The following CYTH4 variants were observed in gnomAD, a reference collection of about 807,000 sequenced individuals.
The protein encoded by CYTH4 is cytohesin 4, also known as cytohesin-4.
Under a neutral mutation model 57.5 loss-of-function variants are expected in CYTH4, and 22 were observed. The ratio of observed to expected loss-of-function variants is 0.38; its 90% CI spans 0.27 to 0.55. The LOEUF (loss-of-function observed/expected upper bound fraction) is 0.55, where lower values mean the gene tolerates loss of function less well. CYTH4 is among the 20% of genes least tolerant of loss of function. CYTH4 has a pLI of 0.74. For synonymous variants in CYTH4, 186 were observed against 206.5 expected, an observed-to-expected ratio of 0.90 and a Z score of 0.85; for missense variants, 420 against 535.6, an observed-to-expected ratio of 0.78 and a Z score of 2.13.
intron 1 of CYTH4, among the ~76,000 whole-genome samples, chr22:37,286,498 G>A (rs548810060): frequency 5.4e-4 from 82 of 152,270 alleles, no homozygotes; most frequent in African/African-American, 1.8e-3. Flanking sequence ...AACCAACGGC[G>A]TGGCTTGGTT....
In CYTH4 at chr22:37,314,612, TCG is replaced by T; in HGVS notation, c.*1102_*1103del. 1 of 394,134 alleles carries T rather than the reference TCG, an allele frequency of 2.5e-6. No individual in the cohort carries two copies. The highest frequency in any genetic ancestry group is 4.5e-6 in the Non-Finnish European group (1 of 223,794). The allele number at this position is 394,134 out of a possible 1,614,324, so 24.4% of individuals were successfully genotyped here. ...GGGCAGCCCGGCGGGTCCCAGCATCTCGAGACCCTCTGCAGAAGTATTATCAG... is the reference window on the plus strand; with the variant it reads ...GGGCAGCCCGGCGGGTCCCAGCATCTAGACCCTCTGCAGAAGTATTATCAG... On this transcript the variant is annotated 3_prime_UTR_variant, in exon 13 of 13. Transcript: ENST00000248901.
At chr22:37,306,372 G>A (rs541781445) in intron 8 of CYTH4, among the ~76,000 whole-genome samples, 1 of 152,226 alleles carries the variant, frequency 6.6e-6, no homozygotes, top group Non-Finnish European at 1.5e-5. Flanking sequence ...AATGGACTGT[G>A]GATTGGACAC....
Position 37,295,880 on chromosome 22 carries a change from G to A in CYTH4, c.168-119G>A, listed in dbSNP as rs918051154. 7.7e-5 allele frequency: 80 copies of A among 1,035,284 alleles called. No individual in the cohort carries two copies. The highest frequency in any genetic ancestry group is 6.4e-5 in the African/African-American group (4 of 62,560). The allele number at this position is 1,035,284 out of a possible 1,614,324, so 64.1% of individuals were successfully genotyped here. Reference sequence around the variant, plus strand: ...AGGTGGTTCCCATGCAGGACCCGGAGGCCACACTTGGAGGGCCCTAGAGGG... The same window carrying A: ...AGGTGGTTCCCATGCAGGACCCGGAAGCCACACTTGGAGGGCCCTAGAGGG... On this transcript the variant is annotated intron_variant, in intron 3 of 12. Transcript: ENST00000248901. The surrounding 1 kb of genome is among the most constrained non-coding windows in gnomAD (Gnocchi z 4.1).
chr22:37,285,660 G>T (rs964117651), intron 1 of CYTH4, among the ~76,000 whole-genome samples: 1 of 152,084 alleles, frequency 6.6e-6, no homozygotes. Flanking sequence ...GCAGTGAGCC[G>T]AGATCAGGCC....
intron 3 of CYTH4, 119 bp downstream of exon 3, chr22:37,294,843 GC>G: frequency 7.9e-7 from 1 of 1,258,530 alleles, no homozygotes; most frequent in Non-Finnish European, 1.1e-6. Context: ...TCAGGGATTG[GC>G]CAGGGAGAAG....
chr22:37,303,997 G>A (rs1398166949), intron 8 of CYTH4, among the ~76,000 whole-genome samples: 4 of 152,180 alleles, frequency 2.6e-5, no homozygotes, highest in Non-Finnish European at 5.9e-5. Context: ...TCTGGTGGGA[G>A]GACTGTACAC....
intron 2 of CYTH4, among the ~76,000 whole-genome samples, chr22:37,293,494 T>C (rs1928825847): frequency 1.3e-5 from 2 of 152,348 alleles, no homozygotes; most frequent in Admixed American, 6.5e-5. Flanking sequence ...GCAGCATTAA[T>C]AGGTGCTCAG....
At chr22:37,286,153 GA>G (rs1293878013) in intron 1 of CYTH4, among the ~76,000 whole-genome samples, 1 of 152,182 alleles carries the variant, frequency 6.6e-6, no homozygotes, top group African/African-American at 2.4e-5. Flanking sequence ...CCTTTATTCT[GA>G]AACGTGTAAC....
chr22:37,311,165 T>A lies in CYTH4; in HGVS notation c.885+101T>A. On this transcript the variant is annotated intron_variant, in intron 10 of 12. Transcript: ENST00000248901. This position sits in a 1 kb window ranked among gnomAD's most constrained non-coding sequence, Gnocchi z 4.4. ...AGTCGACTCACACAGCTTTGGATCCTTTGAGATCATTCAGTCCCCCTCCAT... is the reference window on the plus strand; with the variant it reads ...AGTCGACTCACACAGCTTTGGATCCATTGAGATCATTCAGTCCCCCTCCAT... 1 of 1,320,102 alleles carries A rather than the reference T, an allele frequency of 7.6e-7. No homozygotes were observed. The allele number at this position is 1,320,102 out of a possible 1,614,324, so 81.8% of individuals were successfully genotyped here.
intron 7 of CYTH4, among the ~76,000 whole-genome samples, chr22:37,302,975 G>A (rs1054457090): frequency 2.0e-5 from 3 of 152,178 alleles, no homozygotes; most frequent in East Asian, 1.9e-4. Flanking sequence ...GGATTGAAGC[G>A]GAGAGGAGGG....
intron 2 of CYTH4, among the ~76,000 whole-genome samples, chr22:37,293,573 T>G (rs991699846): frequency 4.6e-5 from 7 of 152,228 alleles, no homozygotes; most frequent in African/African-American, 1.7e-4. Context: ...CAAGATGGCA[T>G]GAACAGGAGC....
intron 1 of CYTH4, among the ~76,000 whole-genome samples, chr22:37,290,298 T>C (rs1034567453): frequency 2.0e-5 from 3 of 152,158 alleles, no homozygotes; most frequent in African/African-American, 7.2e-5. Flanking sequence ...TGTTTGGATA[T>C]TGCTCTTTCC....
At chr22:37,312,384 A>C (rs1325489921) in intron 12 of CYTH4, among the ~76,000 whole-genome samples, 1 of 152,176 alleles carries the variant, frequency 6.6e-6, no homozygotes, top group Non-Finnish European at 1.5e-5. Flanking sequence ...AGGAGAGACC[A>C]CCTGCATGGG....
intron 6 of CYTH4, chr22:37,300,350 T>C: frequency 1.5e-6 from 1 of 676,914 alleles, no homozygotes. Context: ...ACTTATTTAC[T>C]GAGCCTTTGC....
Position 37,311,373 on chromosome 22 carries a change from G to T in CYTH4, c.886-83G>T. ...GATGAGCACGCTCCTCTTTGAGTTTGGGGAACCCCACACGTTCACACCCTG... is the reference window on the plus strand; with the variant it reads ...GATGAGCACGCTCCTCTTTGAGTTTTGGGAACCCCACACGTTCACACCCTG... On this transcript the variant is annotated intron_variant, in intron 10 of 12. Transcript: ENST00000248901. This position sits in a 1 kb window ranked among gnomAD's most constrained non-coding sequence, Gnocchi z 4.4. The T allele has an allele frequency of 8.1e-7, 1 of 1,238,968 alleles. No individual in the cohort carries two copies. The highest frequency in any genetic ancestry group is 1.2e-5 in the South Asian group (1 of 82,496). The allele number at this position is 1,238,968 out of a possible 1,614,324, so 76.7% of individuals were successfully genotyped here.
chr22:37,291,742 G>A (rs886400158), intron 1 of CYTH4, among the ~76,000 whole-genome samples: 3 of 152,246 alleles, frequency 2.0e-5, no homozygotes, highest in Non-Finnish European at 4.4e-5. Flanking sequence ...GAGAAGGAGA[G>A]TGTTGTGGAT....
Position 37,309,853 on chromosome 22 carries a change from T to A in CYTH4, c.808+530T>A, listed in dbSNP as rs182202173. 888 of 307,988 alleles carry A rather than the reference T, an allele frequency of 2.9e-3. 11 individuals carry two copies. The highest frequency in any genetic ancestry group is 9.3e-4 in the Non-Finnish European group (135 of 145,416). 19.1% of individuals were successfully genotyped at this position (307,988 alleles called of 1,614,324 possible). On this transcript the variant is annotated intron_variant, in intron 9 of 12. Coordinates refer to ENST00000248901, the MANE Select transcript of CYTH4 (RefSeq NM_013385.5). ...AGGGGGAGGCTCCCTTCAAGCTGAC[T>A]GGGGGCAGGGAGGGCCTGCACCCTG...
At chr22:37,288,714 T>C (rs1362358068) in intron 1 of CYTH4, among the ~76,000 whole-genome samples, 2 of 152,180 alleles carry the variant, frequency 1.3e-5, no homozygotes, top group East Asian at 3.8e-4. Context: ...ACAGTGGTGG[T>C]AGATTTAGGG....
In CYTH4 at chr22:37,314,812, C is replaced by G. The variant is rs1015041928; in HGVS notation, c.*1301C>G. On this transcript the variant is annotated 3_prime_UTR_variant, in exon 13 of 13. Coordinates refer to ENST00000248901, the MANE Select transcript of CYTH4 (RefSeq NM_013385.5). Reference sequence around the variant, plus strand: ...AGGAAATGTGGCCGCCTCTGCCCCACTGCCAGCCTGAGTGGGCAAGGAAGC... The same window carrying G: ...AGGAAATGTGGCCGCCTCTGCCCCAGTGCCAGCCTGAGTGGGCAAGGAAGC... The G allele has an allele frequency of 1.2e-5, 2 of 166,666 alleles. No homozygotes were observed. Among genetic ancestry groups the G allele is most frequent in the African/African-American group, 4.8e-5 (2 of 42,088 alleles). The allele number at this position is 166,666 out of a possible 1,614,324, so 10.3% of individuals were successfully genotyped here.
Sources: gnomAD v4.1 joint callset for allele counts (sites outside exome capture counted in the v4.1 genomes callset) on GRCh38, gnomAD v4.1.1 for gene constraint, Gnocchi (gnomAD v3.1) non-coding constraint, MANE v1.5 for transcripts, NCBI Gene and HGNC (gene_info 2026-07-23, HGNC 2026-07-21) for gene names.